TARS3: variants seen among roughly 807,000 people sequenced by gnomAD.
The protein encoded by TARS3 is threonine--tRNA ligase 2, cytoplasmic.
In TARS3, 94 loss-of-function variants were observed where a neutral mutation model predicts 103.5. The ratio of observed to expected loss-of-function variants is 0.91; its 90% CI spans 0.77 to 1.08. TARS3 has a LOEUF of 1.08. Among genes scored for constraint, TARS3 ranks in the 50% least tolerant of loss-of-function variants. TARS3 has a pLI of 0.00. For missense variants in TARS3, 952 were observed against 995.2 expected (o/e 0.96, Z 0.58); for synonymous variants, 416 against 355.4 (o/e 1.17, Z -1.92).
At chr15:101,681,360 C>G (rs1419390489) in intron 12 of TARS3, among the ~76,000 whole-genome samples, 1 of 152,162 alleles carries the variant, frequency 6.6e-6, no homozygotes, top group Non-Finnish European at 1.5e-5. Context: ...TATAGATCAA[C>G]TTGGGGATAA....
chr15:101,694,939 T>G (rs1238381922), intron 10 of TARS3, among the ~76,000 whole-genome samples: 1 of 152,122 alleles, frequency 6.6e-6, no homozygotes, highest in Admixed American at 6.5e-5. Context: ...AGATTAAGTG[T>G]AGGATGATGA....
At chr15:101,689,668 G>A (rs1214430017) in intron 10 of TARS3, among the ~76,000 whole-genome samples, 1 of 152,198 alleles carries the variant, frequency 6.6e-6, no homozygotes. Flanking sequence ...CAGTAGCTAG[G>A]AGAAGGCAAG....
At chr15:101,684,024 G>A (rs372312221) in intron 12 of TARS3, 51 bp downstream of exon 12, 3 of 1,555,384 alleles carry the variant, frequency 1.9e-6, no homozygotes, top group Non-Finnish European at 2.6e-6. Flanking sequence ...TGTGTGCGGG[G>A]CATCACACTC....
chr15:101,712,508 G>C (rs541549224), intron 4 of TARS3, among the ~76,000 whole-genome samples: 1 of 152,192 alleles, frequency 6.6e-6, no homozygotes, highest in Non-Finnish European at 1.5e-5. Context: ...GTGTTGAATA[G>C]CATGTGACTG....
At chr15:101,724,038 C>G in intron 1 of TARS3, 53 bp downstream of exon 1, 4 of 1,319,926 alleles carry the variant, frequency 3.0e-6, no homozygotes, top group Non-Finnish European at 2.9e-6. Context: ...CGGTGCGCAC[C>G]GTCTCGGCCC....
In TARS3 at chr15:101,723,093, C is replaced by T; in HGVS notation, c.369G>A (p.Glu123=). 2 of 1,613,876 alleles carry T rather than the reference C, an allele frequency of 1.2e-6. No individual in the cohort carries two copies. Among genetic ancestry groups the T allele is most frequent in the South Asian group, 1.1e-5 (1 of 91,066 alleles). Reference sequence around the variant, plus strand: ...TATTGTTTCCACAGCAACAACTTACCTCGCTGTCAGCCTCGCTTTCCTTCA... The same window carrying T: ...TATTGTTTCCACAGCAACAACTTACTTCGCTGTCAGCCTCGCTTTCCTTCA... ...KKMKESEADS[E]VKHQPIFIKE... is the part of the protein sequence containing the mutation. Residue 123 remains glutamate, a splice_region_variant and synonymous_variant, in exon 2 of 19, where the codon GAG becomes GAA. Coordinates refer to ENST00000335968, the MANE Select transcript of TARS3 (RefSeq NM_152334.3).
chr15:101,690,740 A>G (rs1171539877), intron 10 of TARS3, among the ~76,000 whole-genome samples: 2 of 152,242 alleles, frequency 1.3e-5, no homozygotes, highest in African/African-American at 2.4e-5. Flanking sequence ...TTTGAATACT[A>G]CAAACTATTC....
chr15:101,655,867 C>T, intron 18 of TARS3: 1 of 1,282,608 alleles, frequency 7.8e-7, no homozygotes, highest in Admixed American at 2.3e-5. Flanking sequence ...CCTGGCATAC[C>T]TGATGAGCCA....
intron 18 of TARS3, 143 bp from the exon 19 acceptor site, chr15:101,654,873 TAGTTA>T: frequency 1.3e-6 from 1 of 797,460 alleles, no homozygotes; most frequent in Non-Finnish European, 2.0e-6. Flanking sequence ...CATCCTCTGA[TAGTTA>T]AGTTTCTTGA....
chr15:101,659,299 A>T (rs1248437751), intron 16 of TARS3, among the ~76,000 whole-genome samples: 1 of 152,194 alleles, frequency 6.6e-6, no homozygotes, highest in Non-Finnish European at 1.5e-5. Context: ...GTGCATATTT[A>T]TATATTTATT....
rs1205090623 is a variant in TARS3, at chr15:101,656,917, A to G, written c.2260+5T>C. Reference sequence around the variant, plus strand: ...TTTGGAAAAATATATACAAACTTAAATTACCCAAAATAAAATTATACTGAG... The same window carrying G: ...TTTGGAAAAATATATACAAACTTAAGTTACCCAAAATAAAATTATACTGAG... On this transcript the variant is annotated splice_donor_5th_base_variant and intron_variant, in intron 18 of 18. Transcript: ENST00000335968. 5 of 1,580,986 alleles carry G rather than the reference A, an allele frequency of 3.2e-6. No homozygotes were observed. The highest frequency in any genetic ancestry group is 1.4e-5 in the African/African-American group (1 of 73,600).
intron 13 of TARS3, among the ~76,000 whole-genome samples, chr15:101,674,431 T>C (rs889428490): frequency 4.6e-5 from 7 of 152,180 alleles, no homozygotes; most frequent in African/African-American, 1.7e-4. Flanking sequence ...ATTGGGTAAG[T>C]TGTGAATTAG....
intron 8 of TARS3, 28 bp from the exon 9 acceptor site, chr15:101,702,413 T>G: frequency 6.3e-7 from 1 of 1,589,356 alleles, no homozygotes; most frequent in Non-Finnish European, 8.6e-7. Flanking sequence ...TTTTGGTAAA[T>G]ATATCATACA....
chr15:101,666,412 G>GAAAC (rs1897582037), intron 15 of TARS3, among the ~76,000 whole-genome samples: 1 of 141,432 alleles, frequency 7.1e-6, no homozygotes, highest in Admixed American at 7.7e-5. Context: ...GGAGGCGGAG[G>GAAAC]TTTCAGTGAG....
intron 7 of TARS3, among the ~76,000 whole-genome samples, chr15:101,704,516 G>A (rs1048417115): frequency 2.0e-5 from 3 of 151,966 alleles, no homozygotes; most frequent in Non-Finnish European, 2.9e-5. Flanking sequence ...TTAGCTGGGC[G>A]TGGTGGTGGG....
chr15:101,695,096 T>A (rs1434116258), intron 10 of TARS3, among the ~76,000 whole-genome samples: 2 of 152,222 alleles, frequency 1.3e-5, no homozygotes, highest in African/African-American at 2.4e-5. Flanking sequence ...ATTATGTGTA[T>A]TTTACCACAA....
intron 8 of TARS3, among the ~76,000 whole-genome samples, chr15:101,703,065 T>C (rs889932776): frequency 1.3e-5 from 2 of 152,094 alleles, no homozygotes; most frequent in Non-Finnish European, 2.9e-5. Context: ...ACAGTGCCAT[T>C]AGCCAGCCCC....
chr15:101,698,984 G>A (rs190638395), intron 10 of TARS3, among the ~76,000 whole-genome samples: 24 of 152,306 alleles, frequency 1.6e-4, no homozygotes, highest in African/African-American at 4.8e-4. Context: ...TTATTAAAGT[G>A]GAAGCCGGCC....
chr15:101,672,498 C>A (rs745497098), intron 13 of TARS3, among the ~76,000 whole-genome samples: 1 of 152,122 alleles, frequency 6.6e-6, no homozygotes, highest in East Asian at 1.9e-4. Context: ...CTCCAACATA[C>A]GGGTGCCCAT....
Sources: allele counts gnomAD v4.1 joint callset (sites outside exome capture counted in the v4.1 genomes callset), GRCh38; gene constraint gnomAD v4.1.1; transcripts MANE v1.5; gene names NCBI Gene and HGNC (gene_info 2026-07-23, HGNC 2026-07-21).